The following SCG5 variants were observed in gnomAD, a reference collection of about 807,000 sequenced individuals.
SCG5 encodes the protein secretogranin V, also known as neuroendocrine protein 7B2.
A neutral mutation model predicts 25.7 loss-of-function variants in SCG5; 18 were observed. The ratio of observed to expected loss-of-function variants is 0.70; its 90% confidence interval spans 0.48 to 1.04. SCG5 has a LOEUF of 1.04. Among genes scored for constraint, SCG5 ranks in the 50% least tolerant of loss-of-function variants. The pLI, the probability that SCG5 is intolerant of heterozygous loss-of-function variation, is 0.00. For synonymous variants in SCG5, 101 were observed against 91.7 expected, an observed-to-expected ratio of 1.10 and a Z score of -0.58; for missense variants, 206 against 259.8, an observed-to-expected ratio of 0.79 and a Z score of 1.42.
At chr15:32,693,076 A>T (rs1381810781) in intron 5 of SCG5, among the ~76,000 whole-genome samples, 1 of 152,168 alleles carries the variant, frequency 6.6e-6, no homozygotes, top group Non-Finnish European at 1.5e-5. Context: ...CTATTCTAGG[A>T]ACTCAAAATA....
intron 2 of SCG5, among the ~76,000 whole-genome samples, chr15:32,673,441 T>G (rs2054474211): frequency 6.6e-6 from 1 of 152,006 alleles, no homozygotes; most frequent in Non-Finnish European, 1.5e-5. Flanking sequence ...CAGCAGCATC[T>G]GCACTATCTG....
At chr15:32,691,379 C>A (rs2054852246) in intron 4 of SCG5, among the ~76,000 whole-genome samples, 1 of 152,154 alleles carries the variant, frequency 6.6e-6, no homozygotes, top group African/African-American at 2.4e-5. Flanking sequence ...GAGATAAAAT[C>A]ATTTGTTTTA....
chr15:32,666,749 A>G (rs1462250240), intron 2 of SCG5, among the ~76,000 whole-genome samples: 3 of 152,226 alleles, frequency 2.0e-5, no homozygotes, highest in Non-Finnish European at 4.4e-5. Context: ...ATTTTATTTT[A>G]TCCTCATACC....
At chr15:32,646,926 T>C (rs1255318395) in intron 2 of SCG5, among the ~76,000 whole-genome samples, 4 of 152,258 alleles carry the variant, frequency 2.6e-5, no homozygotes, top group Admixed American at 2.6e-4. Context: ...TGGGAAAGTT[T>C]ATTTTTAATT....
At chr15:32,641,838 C>T (rs1031782690) in intron 1 of SCG5, 60 bp downstream of exon 1, 11 of 152,286 alleles carry the variant, frequency 7.2e-5, no homozygotes, top group Non-Finnish European at 1.2e-4. Context: ...TTGGTATTGC[C>T]AGTTGTGGGA....
chr15:32,650,336 C>T (rs139037108), intron 2 of SCG5, among the ~76,000 whole-genome samples: 4,893 of 152,224 alleles, frequency 0.032, 271 homozygotes, highest in African/African-American at 0.11. Context: ...CTCCTGACCT[C>T]GTGATCCGCC....
chr15:32,650,422 C>T (rs532347971), intron 2 of SCG5, among the ~76,000 whole-genome samples: 11 of 152,200 alleles, frequency 7.2e-5, no homozygotes, highest in Non-Finnish European at 1.3e-4. Flanking sequence ...TTTTTGATTA[C>T]TCATCAGTTA....
intron 2 of SCG5, among the ~76,000 whole-genome samples, chr15:32,668,569 C>T (rs141674488): frequency 1.3e-3 from 199 of 152,352 alleles, no homozygotes; most frequent in African/African-American, 4.5e-3. Context: ...ATGGGCACAG[C>T]GCTGCCAGGC....
At chr15:32,646,309 C>A (rs1005144485) in intron 2 of SCG5, among the ~76,000 whole-genome samples, 1 of 152,158 alleles carries the variant, frequency 6.6e-6, no homozygotes, top group African/African-American at 2.4e-5. Flanking sequence ...CCAGAGGTGT[C>A]GTCTTGGCTG....
chr15:32,671,942 C>T (rs1210311565), intron 2 of SCG5, among the ~76,000 whole-genome samples: 2 of 152,176 alleles, frequency 1.3e-5, no homozygotes, highest in Non-Finnish European at 2.9e-5. Flanking sequence ...CTGGTCTCCT[C>T]GGGCGCTCTC....
intron 2 of SCG5, among the ~76,000 whole-genome samples, chr15:32,659,879 TAA>T (rs61314216): frequency 6.9e-6 from 1 of 145,728 alleles, no homozygotes. Flanking sequence ...TGCTTTCCTT[TAA>T]AAAAAAAAAA....
intron 2 of SCG5, chr15:32,655,956 T>C (rs574426157): frequency 1.6e-4 from 24 of 152,304 alleles, no homozygotes; most frequent in African/African-American, 5.5e-4. Context: ...TACTAGAGAT[T>C]TTTTAGGGAA....
chr15:32,664,397 C>T (rs1446362070), intron 2 of SCG5, among the ~76,000 whole-genome samples: 2 of 152,112 alleles, frequency 1.3e-5, no homozygotes, highest in Non-Finnish European at 2.9e-5. Flanking sequence ...ACCCAGGCCT[C>T]GTTTGTCCAT....
chr15:32,655,814 G>A (rs1567072641), intron 2 of SCG5, among the ~76,000 whole-genome samples: 1 of 152,112 alleles, frequency 6.6e-6, no homozygotes, highest in Non-Finnish European at 1.5e-5. Flanking sequence ...GAATCTACAG[G>A]CACTTTAATC....
In SCG5 at chr15:32,679,899, T is replaced by C; in HGVS notation, c.360T>C (p.Cys120=). ...GGTACCCAGACCCTCCAAATCCCTG[T>C]CCTGTTGGAAAAACAGGTAACAGAT... ...DQGYPDPPNP[C]PVGKTADDGC... Residue 120 remains cysteine (C), a synonymous_variant, in exon 3 of 6, where the codon TGT becomes TGC. Coordinates refer to ENST00000300175, the MANE Select transcript of SCG5 (RefSeq NM_001144757.3). 6.2e-7 allele frequency: 1 copy of C among 1,611,534 alleles called. No homozygotes were observed. Among genetic ancestry groups the C allele is most frequent in the Non-Finnish European group, 8.5e-7 (1 of 1,179,052 alleles).
chr15:32,678,221 A>T (rs559873064), intron 2 of SCG5, among the ~76,000 whole-genome samples: 1 of 152,338 alleles, frequency 6.6e-6, no homozygotes, highest in Non-Finnish European at 1.5e-5. Context: ...CTACATAAAT[A>T]TTAAAAACGT....
At chr15:32,680,627 G>A (rs191211341) in intron 3 of SCG5, among the ~76,000 whole-genome samples, 4 of 152,064 alleles carry the variant, frequency 2.6e-5, no homozygotes, top group South Asian at 2.1e-4. Context: ...TGTTCTCCTC[G>A]TTGATCATGA....
At chr15:32,661,067 A>C (rs910302998) in intron 2 of SCG5, among the ~76,000 whole-genome samples, 1 of 152,216 alleles carries the variant, frequency 6.6e-6, no homozygotes, top group Non-Finnish European at 1.5e-5. Flanking sequence ...CTATGTGCCA[A>C]ACACTTTATG....
chr15:32,693,333 ATT>A (rs746680041), intron 5 of SCG5, among the ~76,000 whole-genome samples: 35 of 152,318 alleles, frequency 2.3e-4, no homozygotes, highest in Admixed American at 5.9e-4. Flanking sequence ...GCTATAAAGG[ATT>A]TTACTTTAGC....
Sources: gnomAD v4.1 joint callset for allele counts (sites outside exome capture counted in the v4.1 genomes callset) on GRCh38, gnomAD v4.1.1 for gene constraint, MANE v1.5 for transcripts, NCBI Gene and HGNC (gene_info 2026-07-23, HGNC 2026-07-21) for gene names.